PHF2: variants seen among roughly 807,000 people sequenced by gnomAD.
PHF2 encodes lysine-specific demethylase PHF2.
Under a neutral mutation model 120.5 loss-of-function variants are expected in PHF2, and 27 were observed. The observed-to-expected ratio is 0.22, with a 90% CI of 0.17 to 0.31. The LOEUF is 0.31. PHF2 is among the 10% of genes least tolerant of loss of function. The pLI, the probability that PHF2 is intolerant of heterozygous loss-of-function variation, is 1.00. For synonymous variants in PHF2, 568 were observed against 592.5 expected, an observed-to-expected ratio of 0.96 and a Z score of 0.60; for missense variants, 1,024 against 1,434.8, an observed-to-expected ratio of 0.71 and a Z score of 4.63.
chr9:93,663,445 C>A, intron 13 of PHF2, 72 bp from the exon 14 acceptor site: 1 of 914,256 alleles, frequency 1.1e-6, no homozygotes, highest in Non-Finnish European at 1.7e-6. Flanking sequence ...CCTCTTCTCA[C>A]TGACACTAAT....
intron 1 of PHF2, among the ~76,000 whole-genome samples, chr9:93,617,584 T>TCTTGGCCGTTTC (rs1207098876): frequency 6.6e-6 from 1 of 152,230 alleles, no homozygotes; most frequent in Admixed American, 6.5e-5. Context: ...GCTTTCTTTT[T>TCTTGGCCGTTTC]CTTGGCCGTT....
Position 93,630,036 on chromosome 9 carries a change from A to G in PHF2, c.165A>G (p.Lys55=). 6.2e-7 allele frequency: 1 copy of G among 1,613,372 alleles called. No homozygotes were observed. Among genetic ancestry groups the G allele is most frequent in the South Asian group, 1.1e-5 (1 of 91,044 alleles). The change falls in exon 2 of 22, where the codon AAA becomes AAG. Residue 55 remains lysine, a synonymous_variant. Transcript: ENST00000359246. ...TATACCACTGCCCAAACTGTGAGAA[A>G]ACCCATGGGAAGTCCACCTGTAAGT... The part of the protein sequence containing the change: ...IDIYHCPNCE[K]THGKSTLKKK...
chr9:93,635,403 A>G (rs1826073641), intron 2 of PHF2, among the ~76,000 whole-genome samples: 1 of 151,946 alleles, frequency 6.6e-6, no homozygotes, highest in South Asian at 2.1e-4. Flanking sequence ...GAAGGGCACA[A>G]TACGGGCCCT....
rs753857267 is a variant in PHF2 at position 93,676,669 on chromosome 9, A to G, written c.2908A>G (p.Thr970Ala). 6.3e-7 allele frequency: 1 copy of G among 1,586,594 alleles called. No homozygotes were observed. Among genetic ancestry groups the G allele is most frequent in the Non-Finnish European group, 8.6e-7 (1 of 1,166,948 alleles). Residue 970 changes from threonine (T) to alanine (A), a missense_variant, in exon 21 of 22, where the codon ACC becomes GCC. Around this residue, in one of 2 missense-constraint regions of PHF2, gnomAD observed 677 missense variants for 857.4 expected, o/e 0.79. Transcript: ENST00000359246. ...TAACACCACCTCCCCTTCCACCTCC[A>G]CCTCCATCTCTGCCGGCACCACCTC... is the stretch of plus-strand genomic sequence containing the variant. ...TPNTTSPSTS[T>A]SISAGTTSTS...
At position 93,674,979 on chromosome 9, in the gene PHF2, G is replaced by C; in HGVS notation, c.2679G>C (p.Ser893=). 6.2e-7 allele frequency: 1 copy of C among 1,613,880 alleles called. No individual in the cohort carries two copies. The highest frequency in any genetic ancestry group is 8.5e-7 in the Non-Finnish European group (1 of 1,179,972). ...DEDNPIFKSR[S]KKRKGSDDAP... The stretch of plus-strand genomic sequence containing the variant: ...ACAACCCCATCTTTAAGTCCCGGTC[G>C]AAGAAAAGGAAAGGCTCAGACGACG... The change falls in exon 19 of 22, where the codon TCG becomes TCC. Residue 893 remains serine, a synonymous_variant. Coordinates refer to ENST00000359246, the MANE Select transcript of PHF2 (RefSeq NM_005392.4).
At chr9:93,655,266 T>C (rs1481690534) in intron 7 of PHF2, among the ~76,000 whole-genome samples, 2 of 142,426 alleles carry the variant, frequency 1.4e-5, no homozygotes, top group African/African-American at 5.3e-5. Flanking sequence ...TAAATCGTTT[T>C]ATAGGGTTGG....
chr9:93,593,070 C>T (rs1825258375), intron 1 of PHF2, among the ~76,000 whole-genome samples: 2 of 101,948 alleles, frequency 2.0e-5, no homozygotes, highest in African/African-American at 4.2e-5. Context: ...CTTTGCTTTT[C>T]TTGTCCTTTA....
rs1826912596 is a variant in PHF2, at chr9:93,676,463, C to A, written c.2833-131C>A. 3 of 1,111,978 alleles carry A rather than the reference C, an allele frequency of 2.7e-6. No individual in the cohort carries two copies. The East Asian group carries it at 7.4e-5, about 28-fold the overall frequency. 68.9% of individuals were successfully genotyped at this position (1,111,978 alleles called of 1,614,324 possible). On this transcript the variant is annotated intron_variant, in intron 20 of 21. Coordinates refer to ENST00000359246, the MANE Select transcript of PHF2 (RefSeq NM_005392.4). ...TGCTGTGCCCCTGGCGGCCCAGAGT[C>A]AGGCCTCAGGCCCCTGCTGCCCAGC...
intron 17 of PHF2, chr9:93,670,893 C>T (rs1352599899): frequency 3.9e-5 from 25 of 647,914 alleles, no homozygotes; most frequent in South Asian, 6.9e-5. Flanking sequence ...CTGAGGGCAG[C>T]GGGGGTGCAG....
intron 3 of PHF2, among the ~76,000 whole-genome samples, chr9:93,644,208 G>GA (rs1826215612): frequency 6.6e-6 from 1 of 152,064 alleles, no homozygotes; most frequent in South Asian, 2.1e-4. Context: ...CCAACATGGT[G>GA]AAACCCCATC....
intron 1 of PHF2, among the ~76,000 whole-genome samples, chr9:93,608,388 T>C (rs138301564): frequency 2.0e-3 from 299 of 146,516 alleles, no homozygotes; most frequent in African/African-American, 7.2e-3. Flanking sequence ...ATGAGAAATA[T>C]TGATTGGTAG....
intron 1 of PHF2, among the ~76,000 whole-genome samples, chr9:93,616,489 C>G (rs1243081099): frequency 6.6e-6 from 1 of 152,176 alleles, no homozygotes; most frequent in African/African-American, 2.4e-5. Context: ...ACATTTCTAG[C>G]TTGAATGTGT....
At chr9:93,612,199 T>TA (rs1189557296) in intron 1 of PHF2, among the ~76,000 whole-genome samples, 1 of 152,238 alleles carries the variant, frequency 6.6e-6, no homozygotes, top group African/African-American at 2.4e-5. Flanking sequence ...AATGGACACT[T>TA]AGCTTGGCTC....
At chr9:93,661,694 A>AATGG (rs894716573) in intron 12 of PHF2, among the ~76,000 whole-genome samples, 4 of 149,452 alleles carry the variant, frequency 2.7e-5, no homozygotes, top group African/African-American at 1.0e-4. Flanking sequence ...TGAATGGATG[A>AATGG]ATGGATGGAT....
At chr9:93,619,566 C>T (rs1275952046) in intron 1 of PHF2, among the ~76,000 whole-genome samples, 1 of 151,942 alleles carries the variant, frequency 6.6e-6, no homozygotes, top group African/African-American at 2.4e-5. Flanking sequence ...TGCTGGTAGC[C>T]CCTGGTGGCC....
At chr9:93,602,808 T>C (rs997501495) in intron 1 of PHF2, among the ~76,000 whole-genome samples, 2 of 152,174 alleles carry the variant, frequency 1.3e-5, no homozygotes, top group African/African-American at 4.8e-5. Flanking sequence ...AGTCGAGTTT[T>C]ATAGCTCATT....
rs779458980 is a variant in PHF2, at chr9:93,673,590, C to T, written c.2354C>T (p.Pro785Leu). ...CTGTCTCTCTGTGCCCCTAGCCAGC[C>T]CCCGGCCTCCCCCAGCACACAGGAA... The part of the protein sequence containing the change: ...GALEYNPSSQ[P>L]PASPSTQEAI... The change falls in exon 18 of 22, where the codon CCC becomes CTC. Residue 785 changes from proline to leucine, a missense_variant. This residue lies in a region of PHF2 where 677 missense variants were observed against 857.4 expected (regional missense o/e 0.79). Coordinates refer to ENST00000359246, the MANE Select transcript of PHF2 (RefSeq NM_005392.4). 14 of 1,563,322 alleles carry T rather than the reference C, an allele frequency of 9.0e-6. No homozygotes were observed. The South Asian group carries it at 1.7e-4, about 19-fold the overall frequency.
At chr9:93,627,894 G>A (rs754663187) in intron 1 of PHF2, among the ~76,000 whole-genome samples, 1 of 152,182 alleles carries the variant, frequency 6.6e-6, no homozygotes, top group Non-Finnish European at 1.5e-5. Context: ...AGAGCCAGGT[G>A]AGCCCTGCTG....
At chr9:93,577,795 G>A (rs978494510) in intron 1 of PHF2, among the ~76,000 whole-genome samples, 2 of 152,166 alleles carry the variant, frequency 1.3e-5, no homozygotes, top group African/African-American at 4.8e-5. Context: ...CCATGCCTAG[G>A]GCAGGTCCCT....
Sources: allele counts gnomAD v4.1 joint callset (sites outside exome capture counted in the v4.1 genomes callset), GRCh38; gene constraint gnomAD v4.1.1; regional missense constraint gnomAD v4.1.1; transcripts MANE v1.5; gene names NCBI Gene and HGNC (gene_info 2026-07-23, HGNC 2026-07-21).